Variants in ZFYVE16 observed in about 807,000 individuals in gnomAD.
The protein encoded by ZFYVE16 is zinc finger FYVE domain-containing protein 16.
Under a neutral mutation model 138.1 loss-of-function variants are expected in ZFYVE16, and 89 were observed. The ratio of observed to expected loss-of-function variants is 0.64; its 90% CI spans 0.54 to 0.77. ZFYVE16 has a LOEUF of 0.77. ZFYVE16 is among the 30% of genes least tolerant of loss of function. The probability of loss-of-function intolerance (pLI) is 0.00; values close to 1 mark genes in which losing one functional copy is unlikely to be tolerated. For missense variants in ZFYVE16, 1,793 were observed against 1,786.7 expected (o/e 1.00, Z -0.06); for synonymous variants, 596 against 618.3 (o/e 0.96, Z 0.53).
chr5:80,444,356 T>C (rs1421140057), intron 6 of ZFYVE16, among the ~76,000 whole-genome samples: 1 of 152,034 alleles, frequency 6.6e-6, no homozygotes, highest in African/African-American at 2.4e-5. Context: ...TCTTATTTAA[T>C]ATGTCTACCT....
chr5:80,473,950 T>C lies in ZFYVE16; in HGVS notation c.4293+91T>C. 5 of 891,202 alleles carry C rather than the reference T, an allele frequency of 5.6e-6. No homozygotes were observed. In the South Asian group the frequency reaches 8.0e-5, roughly 14 times the overall value. The allele number at this position is 891,202 out of a possible 1,614,324, so 55.2% of individuals were successfully genotyped here. ...TGCATACTCAACCTCTAAATATTTATGCATAGCTTATTATACTTTTTATGC... is the reference window on the plus strand; with the variant it reads ...TGCATACTCAACCTCTAAATATTTACGCATAGCTTATTATACTTTTTATGC... On this transcript the variant is annotated intron_variant, in intron 17 of 18. Transcript: ENST00000505560.
At chr5:80,450,031 C>G (rs1751816501) in intron 9 of ZFYVE16, among the ~76,000 whole-genome samples, 1 of 152,006 alleles carries the variant, frequency 6.6e-6, no homozygotes, top group Non-Finnish European at 1.5e-5. Context: ...AATTTGGTAA[C>G]TGAAATAAGC....
intron 1 of ZFYVE16, among the ~76,000 whole-genome samples, chr5:80,416,031 C>T (rs1483942883): frequency 6.6e-6 from 1 of 152,170 alleles, no homozygotes; most frequent in East Asian, 1.9e-4. Context: ...GGTTTCTTCA[C>T]TTTGAAGTTA....
chr5:80,434,412 G>GT (rs1468817249), intron 3 of ZFYVE16, among the ~76,000 whole-genome samples, 195 bp downstream of exon 3: 3 of 152,130 alleles, frequency 2.0e-5, no homozygotes, highest in Non-Finnish European at 4.4e-5. Context: ...AGAAACAGAA[G>GT]TAAGGAACCT....
In ZFYVE16 at chr5:80,480,857, C is replaced by CTGA. The variant is rs1334344453; in HGVS notation, c.*3481_*3482insGAT. 2.0e-5 allele frequency among the ~76,000 whole-genome samples: 3 copies of CTGA among 151,950 alleles called. No individual in the cohort carries two copies. The highest frequency in any genetic ancestry group is 4.4e-5 in the Non-Finnish European group (3 of 68,002). ...ATCACTTGAGCCCAGGAGGTTAAGG[C>CTGA]TCCAGTGAGCTGTGATCGTGCAACA... is the stretch of plus-strand genomic sequence containing the variant. On this transcript the variant is annotated 3_prime_UTR_variant, in exon 19 of 19. Coordinates refer to ENST00000505560, the MANE Select transcript of ZFYVE16 (RefSeq NM_001284236.3).
At chr5:80,442,967 C>T (rs567825102) in intron 5 of ZFYVE16, 156 bp from the exon 6 acceptor site, 2 of 669,944 alleles carry the variant, frequency 3.0e-6, no homozygotes, top group Non-Finnish European at 4.7e-6. Context: ...GCTGGCTACT[C>T]AGACAGTATC....
intron 7 of ZFYVE16, among the ~76,000 whole-genome samples, chr5:80,447,822 GCTT>G (rs1413240489): frequency 6.6e-6 from 1 of 152,122 alleles, no homozygotes; most frequent in Admixed American, 6.5e-5. Context: ...AAAACCTTAT[GCTT>G]CTTAATTCCT....
At chr5:80,453,922 CAGAT>C (rs774042460) in intron 11 of ZFYVE16, 2 of 152,152 alleles carry the variant, frequency 1.3e-5, no homozygotes, top group Non-Finnish European at 2.9e-5. Flanking sequence ...CTTTGTAACT[CAGAT>C]AGTATGTCAT....
intron 1 of ZFYVE16, among the ~76,000 whole-genome samples, chr5:80,423,003 T>C (rs1039759903): frequency 2.6e-5 from 4 of 152,186 alleles, no homozygotes. Context: ...GCAGTGTCTT[T>C]ATCTGGTTTT....
chr5:80,470,099 G>GTA (rs1554052264), intron 15 of ZFYVE16, among the ~76,000 whole-genome samples: 1,407 of 121,124 alleles, frequency 0.012, 49 homozygotes, highest in African/African-American at 0.045. Flanking sequence ...GTGTGTGTGT[G>GTA]TATTTTTTTT....
chr5:80,439,961 G>A lies in ZFYVE16; in HGVS notation c.2348G>A (p.Arg783Lys). Reference protein sequence around the residue: ...GKVFCGVCCNRKCKLQYLEKE... With the variant: ...GKVFCGVCCNKKCKLQYLEKE... ...GTATTTTGTGGTGTCTGTTGTAATA[G>A]GAAGTGTAAACTGCAATATCTAGAA... Residue 783 changes from arginine (R) to lysine (K), a missense_variant, in exon 5 of 19, where the codon AGG becomes AAG. By Grantham distance (26) the Arg-to-Lys change is conservative. This residue lies in a region of ZFYVE16 where 1,295 missense variants were observed against 1,204.3 expected (regional missense o/e 1.08). Transcript: ENST00000505560. 2 of 1,610,124 alleles carry A rather than the reference G, an allele frequency of 1.2e-6. No individual in the cohort carries two copies. Among genetic ancestry groups the A allele is most frequent in the Non-Finnish European group, 1.7e-6 (2 of 1,178,094 alleles).
At chr5:80,424,022 T>C (rs1348650152) in intron 1 of ZFYVE16, among the ~76,000 whole-genome samples, 2 of 151,788 alleles carry the variant, frequency 1.3e-5, no homozygotes, top group South Asian at 2.1e-4. Context: ...CTTGGCTCAC[T>C]GCAGCCTCCA....
At chr5:80,432,274 A>G (rs1361107178) in intron 2 of ZFYVE16, among the ~76,000 whole-genome samples, 1 of 152,176 alleles carries the variant, frequency 6.6e-6, no homozygotes, top group Non-Finnish European at 1.5e-5. Context: ...CCTCAGAAAT[A>G]ATACCACACA....
intron 1 of ZFYVE16, among the ~76,000 whole-genome samples, chr5:80,424,849 A>G (rs1334664062): frequency 6.6e-6 from 1 of 152,238 alleles, no homozygotes; most frequent in Non-Finnish European, 1.5e-5. Flanking sequence ...AATTGAAACA[A>G]AAAAAGGTAA....
chr5:80,448,302 C>T lies in ZFYVE16; in HGVS notation c.3001C>T (p.Leu1001=). The change falls in exon 8 of 19, where the codon CTG becomes TTG. Residue 1001 remains leucine (L), a synonymous_variant. Coordinates refer to ENST00000505560, the MANE Select transcript of ZFYVE16 (RefSeq NM_001284236.3). The part of the protein sequence containing the change: ...PIASISDYRL[L]CDINKYVCNK... ...TGCTAGTATTTCAGATTATAGGTTA[C>T]TGTGTGATATTAACAAGTATGTCTG... 6.2e-7 allele frequency: 1 copy of T among 1,612,916 alleles called. No individual in the cohort carries two copies. The highest frequency in any genetic ancestry group is 8.5e-7 in the Non-Finnish European group (1 of 1,179,824).
chr5:80,452,629 A>G (rs1434669810), intron 11 of ZFYVE16, among the ~76,000 whole-genome samples: 2 of 152,152 alleles, frequency 1.3e-5, no homozygotes, highest in African/African-American at 2.4e-5. Context: ...TTTCTATATC[A>G]TAAAGCCAGA....
intron 14 of ZFYVE16, among the ~76,000 whole-genome samples, chr5:80,458,021 G>T (rs1472258417): frequency 3.7e-5 from 5 of 135,262 alleles, no homozygotes; most frequent in African/African-American, 1.4e-4. Context: ...GAAACAGAGC[G>T]AGACTACGTC....
chr5:80,440,440 A>C (rs931407552), intron 5 of ZFYVE16: 1 of 985,888 alleles, frequency 1.0e-6, no homozygotes, highest in Non-Finnish European at 1.2e-6. Flanking sequence ...CACACCCTTT[A>C]GAAAATAACA....
In ZFYVE16 at chr5:80,455,721, G is replaced by A. The variant is rs373903846; in HGVS notation, c.3637G>A (p.Gly1213Ser). ...TCCTGCTCCTCTAACAAGCATCAGA[G>A]GCCGAAAACCTCTTTTTGGAGAAAT... Reference protein sequence around the residue: ...AYPAPLTSIRGRKPLFGEIGH... With the variant: ...AYPAPLTSIRSRKPLFGEIGH... The change falls in exon 12 of 19, where the codon GGC becomes AGC. Residue 1213 changes from glycine to serine, a missense_variant. Physicochemically the swap from Gly to Ser is moderately conservative, Grantham distance 56. Transcript: ENST00000505560. The A allele has an allele frequency of 1.9e-6, 3 of 1,596,136 alleles. No homozygotes were observed. The African/African-American group carries it at 4.1e-5, about 22-fold the overall frequency.
Sources: gnomAD v4.1 joint callset for allele counts (sites outside exome capture counted in the v4.1 genomes callset) on GRCh38, gnomAD v4.1.1 for gene constraint, gnomAD v4.1.1 regional missense constraint, MANE v1.5 for transcripts, NCBI Gene and HGNC (gene_info 2026-07-23, HGNC 2026-07-21) for gene names.